Variants in NAA11 observed in about 807,000 individuals in gnomAD.
The protein encoded by NAA11 is N-alpha-acetyltransferase 11, NatA catalytic subunit.
NAA11 carries 15 observed loss-of-function variants against 16.1 expected under a neutral mutation model. That is an observed-to-expected ratio of 0.93 (90% confidence interval 0.62 to 1.44). NAA11 has a LOEUF of 1.44. Among genes scored for constraint, NAA11 ranks in the 40% most tolerant of loss-of-function variants. The pLI, the probability that NAA11 is intolerant of heterozygous loss-of-function variation, is 0.00. For synonymous variants in NAA11, 122 were observed against 112.4 expected (o/e 1.09, Z -0.54); for missense variants, 298 against 291.3 (o/e 1.02, Z -0.17).
intron 1 of NAA11, among the ~76,000 whole-genome samples, chr4:79,323,223 A>C (rs1724153150): frequency 6.6e-6 from 1 of 152,198 alleles, no homozygotes; most frequent in Admixed American, 6.5e-5. Flanking sequence ...TAAGATGTTA[A>C]AGCCTGTAAA....
chr4:79,203,209 T>C, the NAA11 span, among the ~76,000 whole-genome samples: 1 of 151,784 alleles, frequency 6.6e-6, no homozygotes, highest in Admixed American at 6.6e-5. Context: ...GATTTCCTTT[T>C]ATTTATTATC....
chr4:79,261,290 C>T (rs1722239595), intron 2 of NAA11, among the ~76,000 whole-genome samples: 1 of 152,176 alleles, frequency 6.6e-6, no homozygotes, highest in Non-Finnish European at 1.5e-5. Context: ...TCCTTGTATG[C>T]TTCAGGTATT....
At chr4:79,309,720 T>C (rs1578192143) in intron 1 of NAA11, among the ~76,000 whole-genome samples, 3 of 136,676 alleles carry the variant, frequency 2.2e-5, no homozygotes, top group East Asian at 4.3e-4. Context: ...TTTTCTTTTT[T>C]TTTTTTTTTT....
downstream of NAA11, among the ~76,000 whole-genome samples, chr4:79,223,430 G>A (rs1236969476): frequency 4.2e-5 from 6 of 143,614 alleles, no homozygotes; most frequent in Non-Finnish European, 6.0e-5. Context: ...TCACTCATAG[G>A]TGGGAATTGA....
chr4:79,173,028 T>A, the NAA11 span, among the ~76,000 whole-genome samples: 1 of 152,256 alleles, frequency 6.6e-6, no homozygotes, highest in South Asian at 2.1e-4. Context: ...TTAGTTCATA[T>A]TAGATAGTGC....
chr4:79,187,871 C>T, the NAA11 span, among the ~76,000 whole-genome samples: 17 of 151,742 alleles, frequency 1.1e-4, 2 homozygotes, highest in African/African-American at 1.9e-4. Flanking sequence ...CGGTGGCGGG[C>T]GCCTGTAGTC....
At chr4:79,250,322 C>T (rs1217233281) in intron 2 of NAA11, among the ~76,000 whole-genome samples, 8 of 152,242 alleles carry the variant, frequency 5.3e-5, no homozygotes, top group East Asian at 3.9e-4. Flanking sequence ...CCACGTTCAG[C>T]GGGCCCCGCT....
At chr4:79,307,682 C>T (rs546282284) in intron 1 of NAA11, among the ~76,000 whole-genome samples, 24 of 152,128 alleles carry the variant, frequency 1.6e-4, no homozygotes, top group Non-Finnish European at 2.6e-4. Context: ...AACCTCAAAA[C>T]AATAACCACA....
chr4:79,287,767 T>G (rs960039610), intron 2 of NAA11, among the ~76,000 whole-genome samples: 3 of 151,956 alleles, frequency 2.0e-5, no homozygotes, highest in African/African-American at 7.3e-5. Context: ...TCAAACTGAT[T>G]TATATTTTAA....
intron 2 of NAA11, among the ~76,000 whole-genome samples, chr4:79,271,370 A>C (rs1722488702): frequency 6.6e-6 from 1 of 150,674 alleles, no homozygotes; most frequent in Non-Finnish European, 1.5e-5. Context: ...CTGCTCAAGG[A>C]AATAAAAGAG....
intron 2 of NAA11, among the ~76,000 whole-genome samples, chr4:79,230,102 G>A (rs1721421926): frequency 6.6e-6 from 1 of 151,898 alleles, no homozygotes; most frequent in South Asian, 2.1e-4. Context: ...TGGTGTATAT[G>A]TGCCACATTT....
chr4:79,191,743 T>C, the NAA11 span, among the ~76,000 whole-genome samples: 1 of 152,244 alleles, frequency 6.6e-6, no homozygotes, highest in South Asian at 2.1e-4. Flanking sequence ...GTCTTTGTTA[T>C]GAAATCTTTG....
chr4:79,269,512 G>A (rs1349729373), intron 2 of NAA11, among the ~76,000 whole-genome samples: 6 of 150,452 alleles, frequency 4.0e-5, no homozygotes, highest in Admixed American at 3.3e-4. Context: ...TTTGAGAAGT[G>A]TCTGTTCATG....
At chr4:79,288,645 G>C (rs772898140) in intron 2 of NAA11, among the ~76,000 whole-genome samples, 16 of 151,842 alleles carry the variant, frequency 1.1e-4, no homozygotes, top group Admixed American at 3.9e-4. Flanking sequence ...ATTTATGCTT[G>C]GCTTTATAGA....
chr4:79,178,493 TAG>T, the NAA11 span, among the ~76,000 whole-genome samples: 7 of 152,348 alleles, frequency 4.6e-5, no homozygotes, highest in South Asian at 1.2e-3. Context: ...AGATATATAT[TAG>T]GAAGAATAAT....
intron 1 of NAA11, among the ~76,000 whole-genome samples, chr4:79,305,853 T>C (rs1723565458): frequency 1.3e-5 from 2 of 152,208 alleles, no homozygotes; most frequent in Admixed American, 1.3e-4. Context: ...TTTTTTCTAC[T>C]AGTAATTTGT....
At chr4:79,315,843 GC>G (rs1264201462), downstream of NAA11, among the ~76,000 whole-genome samples, 2 of 152,104 alleles carry the variant, frequency 1.3e-5, no homozygotes, top group Admixed American at 1.3e-4. Flanking sequence ...TATGCCCAAA[GC>G]AATATTAGTA....
chr4:79,204,429 C>T, the NAA11 span, among the ~76,000 whole-genome samples: 10 of 151,856 alleles, frequency 6.6e-5, no homozygotes, highest in East Asian at 1.6e-3. Context: ...CTATACCTAA[C>T]GTATGGACTG....
intron 2 of NAA11, among the ~76,000 whole-genome samples, chr4:79,269,670 G>A (rs1722442471): frequency 1.4e-5 from 2 of 146,706 alleles, no homozygotes; most frequent in South Asian, 4.4e-4. Context: ...CACTCTGATG[G>A]TAGTTTCTTT....
Sources: allele counts gnomAD v4.1 joint callset (sites outside exome capture counted in the v4.1 genomes callset), GRCh38; gene constraint gnomAD v4.1.1; transcripts MANE v1.5; gene names NCBI Gene and HGNC (gene_info 2026-07-23, HGNC 2026-07-21).